The following TSC2 variants were observed in gnomAD, a reference collection of about 807,000 sequenced individuals.
TSC2 encodes tuberin.
TSC2 carries 29 observed loss-of-function variants against 202.2 expected under a neutral mutation model. The ratio of observed to expected loss-of-function variants is 0.14; its 90% CI spans 0.11 to 0.20. The LOEUF (loss-of-function observed/expected upper bound fraction) is 0.20, where lower values mean the gene tolerates loss of function less well. Among genes scored for constraint, TSC2 ranks in the 10% least tolerant of loss-of-function variants. The pLI is 1.00. For synonymous variants in TSC2, 1,349 were observed against 1,044.0 expected (o/e 1.29, Z -5.63); for missense variants, 2,429 against 2,420.0 (o/e 1.00, Z -0.08).
At chr16:2,075,562 G>A (rs899004022) in intron 22 of TSC2, among the ~76,000 whole-genome samples, 1 of 148,556 alleles carries the variant, frequency 6.7e-6, no homozygotes, top group Admixed American at 6.7e-5. Flanking sequence ...AGGTGCGGAA[G>A]CCTTTCCTCA....
In TSC2 at chr16:2,047,996, C is replaced by G; in HGVS notation, c.-99C>G. ...GAAGTGCGGGTCGCGCTTCCGGCGG[C>G]GTCCCGGGGCCAGGGGGGTGCGCCT... is the stretch of plus-strand genomic sequence containing the variant. On this transcript the variant is annotated 5_prime_UTR_variant, in exon 1 of 42. Transcript: ENST00000219476. 2 of 1,507,818 alleles carry G rather than the reference C, an allele frequency of 1.3e-6. No individual in the cohort carries two copies. Among genetic ancestry groups the G allele is most frequent in the East Asian group, 2.5e-5 (1 of 39,562 alleles). 93.4% of individuals were successfully genotyped at this position (1,507,818 alleles called of 1,614,324 possible).
chr16:2,074,725 T>A (rs148773043), intron 22 of TSC2: 1 of 413,054 alleles, frequency 2.4e-6, no homozygotes, highest in East Asian at 5.0e-5. Flanking sequence ...TCCCCCAGAC[T>A]GTGACTTCAG....
Position 2,055,441 on chromosome 16 carries a change from C to T in TSC2, c.521C>T (p.Ser174Leu), listed in dbSNP as rs747538587. The change falls in exon 6 of 42, where the codon TCG (serine) becomes TTG (leucine). Residue 174 changes from serine (S) to leucine (L), a missense_variant. By Grantham distance (145) the Ser-to-Leu change is moderately radical. Coordinates refer to ENST00000219476, the MANE Select transcript of TSC2 (RefSeq NM_000548.5). ...CAGTGGATGGATGTTGGCTTGTCCT[C>T]GGAATTCCTTCTGGTGCTGGTGAAC... ...VLQWMDVGLSSEFLLVLVNLV... is the reference protein window; with the variant it reads ...VLQWMDVGLSLEFLLVLVNLV... 1.5e-5 allele frequency: 24 copies of T among 1,614,074 alleles called. No homozygotes were observed. Among genetic ancestry groups the T allele is most frequent in the South Asian group, 4.4e-5 (4 of 91,094 alleles).
intron 15 of TSC2, chr16:2,064,904 A>G: frequency 4.1e-6 from 1 of 241,358 alleles, no homozygotes; most frequent in Non-Finnish European, 8.2e-6. Flanking sequence ...GCTTGAGTTC[A>G]GGAGTTCAAG....
At chr16:2,088,167 C>G (rs2091109934) in intron 40 of TSC2, 28 bp downstream of exon 40, 3 of 1,613,010 alleles carry the variant, frequency 1.9e-6, no homozygotes, top group East Asian at 2.2e-5. Flanking sequence ...CAGGCGTGAG[C>G]TGGTGGGACA....
At position 2,084,690 on chromosome 16, in the gene TSC2, G is replaced by A. The variant is rs2090542133; in HGVS notation, c.4468G>A (p.Glu1490Lys). 6.3e-7 allele frequency: 1 copy of A among 1,598,448 alleles called. No individual in the cohort carries two copies. Among genetic ancestry groups the A allele is most frequent in the Non-Finnish European group, 8.5e-7 (1 of 1,179,800 alleles). Residue 1490 changes from glutamate (E) to lysine (K), a missense_variant, in exon 34 of 42, where the codon GAG becomes AAG. Glu to Lys is a moderately conservative substitution (Grantham distance 56). Coordinates refer to ENST00000219476, the MANE Select transcript of TSC2 (RefSeq NM_000548.5). ...LKSRATASNA[E>K]KVPGINPSFV... is the part of the protein sequence containing the mutation. ...GAGCAGAGCCACAGCCTCCAATGCAGAGAAAGTGCCAGGCATCAACCCCAG... is the reference window on the plus strand; with the variant it reads ...GAGCAGAGCCACAGCCTCCAATGCAAAGAAAGTGCCAGGCATCAACCCCAG...
rs756272343 is a variant in TSC2, at chr16:2,088,426, CAAGCCGCCTCTGCCTTCAGATCTGCGAGG to C, written c.5260-10_5278del. On this transcript the variant is annotated splice_acceptor_variant and splice_polypyrimidine_tract_variant and coding_sequence_variant and intron_variant, in exon 42 of 42. Transcript: ENST00000219476. LOFTEE classifies it high-confidence loss of function. ...TGCCACGCCTCCCAGACTTACTGCC[CAAGCCGCCTCTGCCTTCAGATCTGCGAGG>C]AAGCCGCCTACTCCAACCCCAGCCT... The C allele has an allele frequency of 9.9e-6, 16 of 1,612,624 alleles. No individual in the cohort carries two copies. Among genetic ancestry groups the C allele is most frequent in the Non-Finnish European group, 1.7e-6 (2 of 1,180,028 alleles).
chr16:2,079,737 T>C lies in TSC2; in HGVS notation c.3397+68T>C. The C allele has an allele frequency of 6.7e-7, 1 of 1,489,586 alleles. No homozygotes were observed. The highest frequency in any genetic ancestry group is 9.0e-7 in the Non-Finnish European group (1 of 1,105,624). The allele number at this position is 1,489,586 out of a possible 1,614,324, so 92.3% of individuals were successfully genotyped here. ...CCCTCAGTTGCTGCTGGTCCCAGTG[T>C]TCAGGAAGGCCCCGAGCCCAGGGGC... On this transcript the variant is annotated intron_variant, in intron 29 of 41. Transcript: ENST00000219476. This position sits in a 1 kb window ranked among gnomAD's most constrained non-coding sequence, Gnocchi z 4.6.
chr16:2,085,378 G>GC, intron 36 of TSC2, 56 bp downstream of exon 36: 4 of 1,585,010 alleles, frequency 2.5e-6, no homozygotes, highest in Non-Finnish European at 3.5e-6. Flanking sequence ...GCCTCAGCCT[G>GC]CAGTGGGTAG....
rs397515312 is a variant in TSC2, at chr16:2,056,793, G to T, written c.774+24G>T. On this transcript the variant is annotated intron_variant, in intron 8 of 41. Transcript: ENST00000219476. The stretch of plus-strand genomic sequence containing the variant: ...AGGTGGGGTTTCTGAAACTGCTCTG[G>T]AAGGTTCCTGAGAGCACATGGATGG... 1 of 1,604,148 alleles carries T rather than the reference G, an allele frequency of 6.2e-7. No homozygotes were observed.
intron 3 of TSC2, among the ~76,000 whole-genome samples, chr16:2,053,013 C>T (rs142211703): frequency 3.3e-5 from 5 of 152,286 alleles, no homozygotes; most frequent in Admixed American, 1.3e-4. Flanking sequence ...GCCAGCATTC[C>T]GGCAGCTCTA....
chr16:2,072,699 G>T, intron 20 of TSC2, 150 bp from the exon 21 acceptor site: 1 of 1,320,546 alleles, frequency 7.6e-7, no homozygotes, highest in South Asian at 1.2e-5. Flanking sequence ...CACTCCGAAA[G>T]GGAGGCCCTT....
In TSC2 at chr16:2,088,846, C is replaced by G; in HGVS notation, c.*236C>G. ...GCCAGCTCCGAGGGCCTTGAGGCTG[C>G]CTGGGCCATACAGCACACTCGCGCG... On this transcript the variant is annotated 3_prime_UTR_variant, in exon 42 of 42. Transcript: ENST00000219476. 8 of 587,262 alleles carry G rather than the reference C, an allele frequency of 1.4e-5. No individual in the cohort carries two copies. The Middle Eastern group carries it at 3.7e-3, about 271-fold the overall frequency. The allele number at this position is 587,262 out of a possible 1,614,324, so 36.4% of individuals were successfully genotyped here.
chr16:2,084,093 G>C (rs2090464018), intron 33 of TSC2, 135 bp from the exon 34 acceptor site: 1 of 1,478,516 alleles, frequency 6.8e-7, no homozygotes. Context: ...ACGGGCGGGG[G>C]CCGTAGCCTG....
intron 8 of TSC2, 130 bp from the exon 9 acceptor site, chr16:2,056,975 G>T (rs1175359485): frequency 2.4e-5 from 33 of 1,385,290 alleles, no homozygotes; most frequent in Non-Finnish European, 3.1e-5. Flanking sequence ...CTGTCTTTGG[G>T]AGGAGATGGT....
chr16:2,056,765 G>T lies in TSC2; in HGVS notation c.770G>T (p.Trp257Leu). Residue 257 changes from tryptophan to leucine, a missense_variant, in exon 8 of 42, where the codon TGG becomes TTG. Trp to Leu is a moderately conservative substitution (Grantham distance 61). Coordinates refer to ENST00000219476, the MANE Select transcript of TSC2 (RefSeq NM_000548.5). ...GTCAAGGAGCTCTGCGAGCCTTGCT[G>T]GAAGGTGGGGTTTCTGAAACTGCTC... is the stretch of plus-strand genomic sequence containing the variant. ...INVKELCEPCWKLMRNLLGTH... is the reference protein window; with the variant it reads ...INVKELCEPCLKLMRNLLGTH... The T allele has an allele frequency of 6.2e-7, 1 of 1,608,424 alleles. No individual in the cohort carries two copies.
intron 4 of TSC2, chr16:2,053,897 C>A: frequency 2.2e-6 from 1 of 450,290 alleles, no homozygotes; most frequent in South Asian, 1.8e-5. Flanking sequence ...TCTACTCCTT[C>A]ATGTCCCAGC....
At position 2,079,014 on chromosome 16, in the gene TSC2, CA is replaced by C; in HGVS notation, c.2967-17del. ...CCCTACCTGGCACCCTGACCCTGGT[CA>C]CGGCCTCTCCCTCCAGCAGGATACA... On this transcript the variant is annotated splice_polypyrimidine_tract_variant and intron_variant, in intron 26 of 41. Transcript: ENST00000219476. This position sits in a 1 kb window ranked among gnomAD's most constrained non-coding sequence, Gnocchi z 4.6. The C allele has an allele frequency of 6.2e-7, 1 of 1,612,072 alleles. No individual in the cohort carries two copies.
At chr16:2,049,067 C>T (rs1024029992) in intron 2 of TSC2, among the ~76,000 whole-genome samples, 1 of 151,892 alleles carries the variant, frequency 6.6e-6, no homozygotes, top group African/African-American at 2.4e-5. Flanking sequence ...GATGTGAGTT[C>T]CTGGGAGAAG....
Sources: allele counts gnomAD v4.1 joint callset (sites outside exome capture counted in the v4.1 genomes callset), GRCh38; gene constraint gnomAD v4.1.1; non-coding constraint Gnocchi (gnomAD v3.1); transcripts MANE v1.5; gene names NCBI Gene and HGNC (gene_info 2026-07-23, HGNC 2026-07-21).